CEMIP: variants seen among roughly 807,000 people sequenced by gnomAD.
CEMIP encodes the protein cell migration-inducing and hyaluronan-binding protein.
CEMIP carries 105 observed loss-of-function variants against 156.9 expected under a neutral mutation model. The ratio of observed to expected loss-of-function variants is 0.67; its 90% confidence interval spans 0.57 to 0.79. The LOEUF (loss-of-function observed/expected upper bound fraction) is 0.79. Among genes scored for constraint, CEMIP ranks in the 30% least tolerant of loss-of-function variants. CEMIP has a pLI of 0.00. For synonymous variants in CEMIP, 676 were observed against 668.4 expected, an observed-to-expected ratio of 1.01 and a Z score of -0.17; for missense variants, 1,457 against 1,769.4, an observed-to-expected ratio of 0.82 and a Z score of 3.17.
chr15:80,921,153 C>A, intron 16 of CEMIP, 52 bp downstream of exon 16: 2 of 1,517,354 alleles, frequency 1.3e-6, no homozygotes. Context: ...GGGCTGGAGT[C>A]AGGGAGACAG....
intron 1 of CEMIP, among the ~76,000 whole-genome samples, chr15:80,803,895 C>T (rs879858790): frequency 1.8e-4 from 28 of 152,156 alleles, no homozygotes; most frequent in Admixed American, 4.6e-4. Flanking sequence ...TGTTCTCATG[C>T]TGCTAATAAA....
chr15:80,936,951 TG>T, intron 24 of CEMIP, 66 bp downstream of exon 24: 1 of 1,476,688 alleles, frequency 6.8e-7, no homozygotes, highest in Non-Finnish European at 9.4e-7. Context: ...TGCAAAGTCC[TG>T]GACTTGCGTC....
intron 1 of CEMIP, among the ~76,000 whole-genome samples, chr15:80,796,945 G>A (rs897391822): frequency 6.6e-6 from 1 of 152,162 alleles, no homozygotes; most frequent in Non-Finnish European, 1.5e-5. Flanking sequence ...TGATTAGAGA[G>A]GGCATTTTAG....
chr15:80,917,473 TC>T lies in CEMIP; in HGVS notation c.1798-2619del, dbSNP rs1479392298. Among the ~76,000 whole-genome samples, 3 of 152,334 alleles carry T rather than the reference TC, an allele frequency of 2.0e-5. No homozygotes were observed. The East Asian group carries it at 5.8e-4, about 29-fold the overall frequency. On this transcript the variant is annotated intron_variant, in intron 14 of 29. Transcript: ENST00000394685. ...CTGGCCAGCTCAGGAAGCCCACATT[TC>T]CTTGCCTTTTTCTCCCATGCTTGTC...
At chr15:80,780,762 G>C (rs1051781321) in intron 1 of CEMIP, among the ~76,000 whole-genome samples, 1 of 152,206 alleles carries the variant, frequency 6.6e-6, no homozygotes, top group Non-Finnish European at 1.5e-5. Flanking sequence ...GCGGCTCTGC[G>C]TGCCCAGGCG....
chr15:80,912,592 G>C (rs565478761), intron 14 of CEMIP, among the ~76,000 whole-genome samples: 10 of 152,184 alleles, frequency 6.6e-5, no homozygotes, highest in Non-Finnish European at 1.5e-4. Flanking sequence ...ATGAAGTGCA[G>C]GCCTCTAACT....
At chr15:80,891,568 G>A (rs1245495556) in intron 10 of CEMIP, among the ~76,000 whole-genome samples, 2 of 152,136 alleles carry the variant, frequency 1.3e-5, no homozygotes, top group South Asian at 4.1e-4. Flanking sequence ...AGAAGCTTAG[G>A]GAAGTCTTCC....
At chr15:80,879,692 C>T (rs1371367478) in intron 4 of CEMIP, 24 bp from the exon 5 acceptor site, 2 of 1,613,972 alleles carry the variant, frequency 1.2e-6, no homozygotes, top group Admixed American at 1.7e-5. Flanking sequence ...GTTATTAAAC[C>T]TCCCCCCAAT....
At chr15:80,814,864 T>G (rs1026447103) in intron 1 of CEMIP, among the ~76,000 whole-genome samples, 1 of 152,224 alleles carries the variant, frequency 6.6e-6, no homozygotes, top group Non-Finnish European at 1.5e-5. Context: ...TTTCTCTCCT[T>G]TTTTAAGAGA....
chr15:80,922,914 C>T (rs1596193962), intron 17 of CEMIP, among the ~76,000 whole-genome samples: 4 of 152,130 alleles, frequency 2.6e-5, no homozygotes, highest in African/African-American at 7.2e-5. Context: ...CAGGGCGGTG[C>T]GCAGACAGAC....
intron 1 of CEMIP, among the ~76,000 whole-genome samples, chr15:80,840,873 C>T (rs1897395842): frequency 6.6e-6 from 1 of 152,218 alleles, no homozygotes; most frequent in Non-Finnish European, 1.5e-5. Context: ...AATAGGCAGG[C>T]TTGGAGGCTG....
chr15:80,860,516 T>C (rs1897959708), intron 1 of CEMIP, among the ~76,000 whole-genome samples: 2 of 152,218 alleles, frequency 1.3e-5, no homozygotes, highest in Admixed American at 6.5e-5. Context: ...GGAACAATGC[T>C]TGCTGCGGAC....
At chr15:80,790,763 A>G (rs1179874023) in intron 1 of CEMIP, among the ~76,000 whole-genome samples, 2 of 152,226 alleles carry the variant, frequency 1.3e-5, no homozygotes, top group East Asian at 1.9e-4. Flanking sequence ...GAATTCGTTG[A>G]GAGTAATTGT....
chr15:80,861,281 T>C (rs1333088503), intron 1 of CEMIP, among the ~76,000 whole-genome samples: 1 of 152,122 alleles, frequency 6.6e-6, no homozygotes, highest in Non-Finnish European at 1.5e-5. Flanking sequence ...AGTGGTACCT[T>C]TTAAAAGTAC....
rs772755363 is a variant in CEMIP at position 80,932,079 on chromosome 15, C to T, written c.2793+40C>T. 2.0e-5 allele frequency: 32 copies of T among 1,605,118 alleles called. No individual in the cohort carries two copies. The highest frequency in any genetic ancestry group is 2.6e-5 in the Non-Finnish European group (31 of 1,177,838). On this transcript the variant is annotated intron_variant, in intron 22 of 29. Coordinates refer to ENST00000394685, the MANE Select transcript of CEMIP (RefSeq NM_001293298.2). This position sits in a 1 kb window ranked among gnomAD's most constrained non-coding sequence, Gnocchi z 4.5. ...AGGGCAGACTCCCGGCAAACCCAGA[C>T]TTTGGATGGTGATTCACAAGTCCCC...
At chr15:80,797,746 C>A (rs1187834104) in intron 1 of CEMIP, among the ~76,000 whole-genome samples, 1 of 152,180 alleles carries the variant, frequency 6.6e-6, no homozygotes. Flanking sequence ...AGCCCAGGGT[C>A]CTCCACACAC....
intron 14 of CEMIP, among the ~76,000 whole-genome samples, chr15:80,911,579 G>C (rs1484877056): frequency 6.6e-6 from 1 of 152,114 alleles, no homozygotes; most frequent in Non-Finnish European, 1.5e-5. Flanking sequence ...TTGTGTGGCT[G>C]TGCTTTCTCA....
At position 80,880,992 on chromosome 15, in the gene CEMIP, A is replaced by G. The variant is rs1252632465; in HGVS notation, c.473A>G (p.Lys158Arg). The change falls in exon 6 of 30, where the codon AAG (lysine) becomes AGG (arginine). Residue 158 changes from lysine (K) to arginine (R), a missense_variant. Physicochemically the swap from Lys to Arg is conservative, Grantham distance 26. Around this residue, in one of 5 missense-constraint regions of CEMIP, gnomAD observed 309 missense variants for 340.8 expected, o/e 0.91. Coordinates refer to ENST00000394685, the MANE Select transcript of CEMIP (RefSeq NM_001293298.2). The stretch of plus-strand genomic sequence containing the variant: ...GCTCTTGAGTTGCATGGACAGAAAA[A>G]GCTCTCCTGGACATTTCTGAACAAG... ...GGALELHGQK[K>R]LSWTFLNKTL... The G allele has an allele frequency of 6.2e-7, 1 of 1,614,060 alleles. No homozygotes were observed. The highest frequency in any genetic ancestry group is 1.3e-5 in the African/African-American group (1 of 74,912).
In CEMIP at chr15:80,888,726, G is replaced by C; in HGVS notation, c.894G>C (p.Arg298=). The C allele has an allele frequency of 1.2e-6, 2 of 1,614,038 alleles. No individual in the cohort carries two copies. The highest frequency in any genetic ancestry group is 1.7e-6 in the Non-Finnish European group (2 of 1,179,994). ...GACATCGAGGCTCTGCTGCTGCCCG[G>C]GTATTCAAATTGTTCCAGACAGAGC... is the stretch of plus-strand genomic sequence containing the variant. ...YHGHRGSAAA[R]VFKLFQTEHG... The change falls in exon 9 of 30, where the codon CGG becomes CGC. Residue 298 remains arginine, a synonymous_variant. Coordinates refer to ENST00000394685, the MANE Select transcript of CEMIP (RefSeq NM_001293298.2).
Sources: allele counts gnomAD v4.1 joint callset (sites outside exome capture counted in the v4.1 genomes callset), GRCh38; gene constraint gnomAD v4.1.1; regional missense constraint gnomAD v4.1.1; non-coding constraint Gnocchi (gnomAD v3.1); transcripts MANE v1.5; gene names NCBI Gene and HGNC (gene_info 2026-07-23, HGNC 2026-07-21).